Variants in CD96 observed in about 807,000 individuals in gnomAD.
CD96 encodes the protein T-cell surface protein tactile.
CD96 carries 70 observed loss-of-function variants against 71.3 expected under a neutral mutation model. The observed-to-expected ratio is 0.98, with a 90% CI of 0.81 to 1.20. CD96 has a LOEUF of 1.20. CD96 is among the 50% of genes most tolerant of loss of function. CD96 has a pLI of 0.00. For missense variants in CD96, 742 were observed against 677.5 expected, an observed-to-expected ratio of 1.10 and a Z score of -1.06; for synonymous variants, 248 against 233.0, an observed-to-expected ratio of 1.06 and a Z score of -0.59.
chr3:111,637,093 A>T, intron 10 of CD96, 103 bp from the exon 11 acceptor site: 1 of 726,708 alleles, frequency 1.4e-6, no homozygotes. Flanking sequence ...TGCTTTATGT[A>T]CTCATTAATA....
At chr3:111,550,859 G>C (rs1934666341) in intron 2 of CD96, among the ~76,000 whole-genome samples, 1 of 152,284 alleles carries the variant, frequency 6.6e-6, no homozygotes, top group South Asian at 2.1e-4. Context: ...TGAAATGGTA[G>C]TGAAAACAAT....
chr3:111,633,994 AG>A (rs1370527659), intron 10 of CD96: 1 of 152,922 alleles, frequency 6.5e-6, no homozygotes, highest in Non-Finnish European at 1.5e-5. Context: ...ATTCCAGAAA[AG>A]TTCAGTTTGC....
chr3:111,645,289 A>G (rs1012716093), intron 12 of CD96, among the ~76,000 whole-genome samples: 3 of 152,154 alleles, frequency 2.0e-5, no homozygotes, highest in African/African-American at 7.2e-5. Context: ...CAAACATCAT[A>G]TGTTCTCACT....
At chr3:111,627,752 G>A (rs191216343) in intron 10 of CD96, among the ~76,000 whole-genome samples, 8 of 152,274 alleles carry the variant, frequency 5.3e-5, no homozygotes, top group Admixed American at 5.2e-4. Flanking sequence ...GCACGGTCAG[G>A]CCAGCAACAG....
At chr3:111,611,211 C>T (rs1214061979) in intron 8 of CD96, among the ~76,000 whole-genome samples, 2 of 152,142 alleles carry the variant, frequency 1.3e-5, no homozygotes, top group Non-Finnish European at 2.9e-5. Context: ...GAGTAAAACA[C>T]TAGGTCCAGT....
intron 2 of CD96, among the ~76,000 whole-genome samples, chr3:111,551,022 A>T (rs1280899243): frequency 6.6e-6 from 1 of 152,182 alleles, no homozygotes; most frequent in African/African-American, 2.4e-5. Context: ...TATTGACATA[A>T]TGCACTATAG....
intron 8 of CD96, among the ~76,000 whole-genome samples, chr3:111,608,931 CT>C (rs1937763822): frequency 6.6e-6 from 1 of 152,096 alleles, no homozygotes; most frequent in African/African-American, 2.4e-5. Flanking sequence ...ATTCAAAATA[CT>C]AAGATGAAAG....
At chr3:111,614,478 G>C (rs902350103) in intron 8 of CD96, among the ~76,000 whole-genome samples, 1 of 152,146 alleles carries the variant, frequency 6.6e-6, no homozygotes, top group African/African-American at 2.4e-5. Flanking sequence ...AGAAATCCCT[G>C]ACTGTCCTAT....
intron 6 of CD96, 41 bp downstream of exon 6, chr3:111,598,251 G>C (rs757161398): frequency 1.2e-6 from 1 of 861,454 alleles, no homozygotes. Flanking sequence ...GGTACAAAAA[G>C]AAAGAAAACA....
intron 2 of CD96, among the ~76,000 whole-genome samples, chr3:111,566,540 A>G (rs1935721666): frequency 3.3e-5 from 5 of 152,176 alleles, no homozygotes; most frequent in Admixed American, 3.3e-4. Context: ...ATGAGAATAC[A>G]TGCATGTATG....
At chr3:111,627,085 A>T (rs1938806463) in intron 10 of CD96, among the ~76,000 whole-genome samples, 1 of 152,218 alleles carries the variant, frequency 6.6e-6, no homozygotes, top group African/African-American at 2.4e-5. Flanking sequence ...GAAATGGCAA[A>T]TAGGATGAGA....
At chr3:111,577,667 G>A (rs959319492) in intron 3 of CD96, 67 of 794,576 alleles carry the variant, frequency 8.4e-5, no homozygotes, top group Non-Finnish European at 1.4e-4. Flanking sequence ...GCTAAAGAAC[G>A]GTGTCTTACA....
chr3:111,591,445 A>T (rs1362252493), intron 5 of CD96, among the ~76,000 whole-genome samples: 1 of 151,156 alleles, frequency 6.6e-6, no homozygotes, highest in Non-Finnish European at 1.5e-5. Context: ...GAGCTCCAGC[A>T]TCTTTGTGCA....
chr3:111,640,485 G>A (rs567703048), intron 12 of CD96, among the ~76,000 whole-genome samples: 7 of 152,136 alleles, frequency 4.6e-5, no homozygotes, highest in African/African-American at 1.4e-4. Context: ...AAAAGTCTGG[G>A]ATTATGTTAA....
intron 10 of CD96, among the ~76,000 whole-genome samples, chr3:111,625,704 AGT>A (rs1404728044): frequency 6.6e-6 from 1 of 152,200 alleles, no homozygotes. Flanking sequence ...CCTGCTTTGG[AGT>A]AGGGAAGGGC....
chr3:111,609,063 C>CTAGTATAAGAGATCAGGTTCGTCCT, intron 8 of CD96, among the ~76,000 whole-genome samples: 2 of 152,206 alleles, frequency 1.3e-5, no homozygotes, highest in Admixed American at 1.3e-4. Flanking sequence ...GATGAAATAA[C>CTAGTATAAGAGATCAGGTTCGTCCT]TTGACCTTTG....
At chr3:111,589,941 A>T (rs1185906043) in intron 5 of CD96, among the ~76,000 whole-genome samples, 1 of 152,208 alleles carries the variant, frequency 6.6e-6, no homozygotes, top group East Asian at 1.9e-4. Context: ...TGGAATAATA[A>T]CAAATACTTC....
chr3:111,583,292 T>C (rs11919740), intron 4 of CD96, among the ~76,000 whole-genome samples: 122,697 of 152,180 alleles, frequency 0.81, 49,603 homozygotes, highest in East Asian at 0.96. Flanking sequence ...TAGGCAGTTC[T>C]GTCCCTGTGG....
chr3:111,630,259 C>A (rs1201163868), intron 10 of CD96, among the ~76,000 whole-genome samples: 1 of 152,036 alleles, frequency 6.6e-6, no homozygotes, highest in Non-Finnish European at 1.5e-5. Context: ...GATAAATATA[C>A]CACTAGCTAG....
Sources: allele counts gnomAD v4.1 joint callset (sites outside exome capture counted in the v4.1 genomes callset), GRCh38; gene constraint gnomAD v4.1.1; transcripts MANE v1.5; gene names NCBI Gene and HGNC (gene_info 2026-07-23, HGNC 2026-07-21).